Variants in MAPKBP1 observed in about 807,000 individuals in gnomAD.
MAPKBP1 encodes mitogen-activated protein kinase binding protein 1, also known as mitogen-activated protein kinase-binding protein 1.
MAPKBP1 carries 71 observed loss-of-function variants against 170.5 expected under a neutral mutation model. The observed-to-expected ratio is 0.42, with a 90% CI of 0.34 to 0.51. The LOEUF (loss-of-function observed/expected upper bound fraction) is 0.51, where lower values mean the gene tolerates loss of function less well. Among genes scored for constraint, MAPKBP1 ranks in the 20% least tolerant of loss-of-function variants. The pLI, the probability that MAPKBP1 is intolerant of heterozygous loss-of-function variation, is 0.06. For synonymous variants in MAPKBP1, 719 were observed against 757.9 expected (o/e 0.95, Z 0.84); for missense variants, 1,598 against 1,933.0 (o/e 0.83, Z 3.25).
Position 41,824,076 on chromosome 15 carries a change from C to T in MAPKBP1, c.4213+15C>T. On this transcript the variant is annotated intron_variant, in intron 29 of 30. Transcript: ENST00000457542. The stretch of plus-strand genomic sequence containing the variant: ...CCAGGACTCAGGTGTGCACAGCTCC[C>T]CAGCTCTCATCTCCTGCCCCATCCT... 2 of 1,582,484 alleles carry T rather than the reference C, an allele frequency of 1.3e-6. No homozygotes were observed. The highest frequency in any genetic ancestry group is 1.7e-6 in the Non-Finnish European group (2 of 1,167,836).
intron 2 of MAPKBP1, among the ~76,000 whole-genome samples, chr15:41,787,436 C>T (rs142719086): frequency 0.019 from 2,818 of 151,990 alleles, 79 homozygotes; most frequent in African/African-American, 0.065. Context: ...GGTGTGATCG[C>T]GGCTCATTGC....
In MAPKBP1 at chr15:41,821,259, G is replaced by A. The variant is rs148074701; in HGVS notation, c.2718+191G>A. On this transcript the variant is annotated intron_variant, in intron 23 of 30. Transcript: ENST00000457542. ...TTGGTCATCAGGATAGGCAGGGGAG[G>A]GGTTGGGGTAGAGAGGCAAAAGTGG... is the stretch of plus-strand genomic sequence containing the variant. 662 of 645,656 alleles carry A rather than the reference G, an allele frequency of 1.0e-3. 7 individuals carry two copies. The East Asian group carries it at 0.015, about 15-fold the overall frequency. The allele number at this position is 645,656 out of a possible 1,614,324, so 40.0% of individuals were successfully genotyped here. A position where few individuals can be genotyped will look rare whatever the true frequency, so the allele number is the denominator to read the frequency against.
In MAPKBP1 at chr15:41,822,259, C is replaced by T; in HGVS notation, c.3066C>T (p.Gly1022=). 2 of 1,613,954 alleles carry T rather than the reference C, an allele frequency of 1.2e-6. No individual in the cohort carries two copies. Among genetic ancestry groups the T allele is most frequent in the South Asian group, 1.1e-5 (1 of 91,070 alleles). ...GCACGGAGCCCCTCAGTGTGGATGG[C>T]ATCTCCTCAGACCTTGAAGAGCCAG... The part of the protein sequence containing the change: ...SESTEPLSVD[G]ISSDLEEPAE... The change falls in exon 26 of 31, where the codon GGC becomes GGT. Residue 1022 remains glycine, a synonymous_variant. Coordinates refer to ENST00000457542, the MANE Select transcript of MAPKBP1 (RefSeq NM_014994.3).
chr15:41,810,328 G>A (rs916056555), intron 3 of MAPKBP1, among the ~76,000 whole-genome samples: 19 of 152,228 alleles, frequency 1.2e-4, no homozygotes, highest in Admixed American at 1.2e-3. Context: ...GGCCTGGCTG[G>A]GGGGACAGGC....
chr15:41,792,955 A>AAAACC (rs2064420395), intron 2 of MAPKBP1, among the ~76,000 whole-genome samples: 1 of 152,104 alleles, frequency 6.6e-6, no homozygotes, highest in African/African-American at 2.4e-5. Context: ...TGGAGTCCCC[A>AAAACC]AAACCCCTTT....
rs752197375 is a variant in MAPKBP1, at chr15:41,812,012, C to G, written c.383C>G (p.Ala128Gly). The G allele has an allele frequency of 4.5e-5, 72 of 1,614,016 alleles. No individual in the cohort carries two copies. Among genetic ancestry groups the G allele is most frequent in the Non-Finnish European group, 5.9e-5 (70 of 1,180,028 alleles). Residue 128 changes from alanine to glycine, a missense_variant, in exon 6 of 31, where the codon GCC becomes GGC. Ala to Gly is a moderately conservative substitution (Grantham distance 60). This residue lies in a region of MAPKBP1 where 151 missense variants were observed against 191.4 expected (regional missense o/e 0.79). Transcript: ENST00000457542. ...GACGTGGCAGAGCACAGCCAGGTGG[C>G]CGAGCTGCAGGAGCACAAGTATGGT... ...VWDVAEHSQVAELQEHKYGVA... is the reference protein window; with the variant it reads ...VWDVAEHSQVGELQEHKYGVA...
intron 2 of MAPKBP1, among the ~76,000 whole-genome samples, chr15:41,783,919 G>C (rs2064234215): frequency 6.6e-6 from 1 of 152,232 alleles, no homozygotes; most frequent in African/African-American, 2.4e-5. Context: ...TGAGGCAGGA[G>C]AATGGCGTGA....
Position 41,818,531 on chromosome 15 carries a change from G to A in MAPKBP1, c.2105G>A (p.Gly702Asp), listed in dbSNP as rs1269066277. The A allele has an allele frequency of 1.2e-6, 2 of 1,612,912 alleles. No homozygotes were observed. The highest frequency in any genetic ancestry group is 1.3e-5 in the African/African-American group (1 of 74,862). The change falls in exon 19 of 31, where the codon GGC becomes GAC. Residue 702 changes from glycine (G) to aspartate (D), a missense_variant. Physicochemically the swap from Gly to Asp is moderately conservative, Grantham distance 94. Around this residue, in one of 6 missense-constraint regions of MAPKBP1, gnomAD observed 63 missense variants for 115.2 expected, o/e 0.55. Coordinates refer to ENST00000457542, the MANE Select transcript of MAPKBP1 (RefSeq NM_014994.3). The surrounding 1 kb of genome is among the most constrained non-coding windows in gnomAD (Gnocchi z 5.2). ...TTGTTCTTCACAGAGATTGTCACTG[G>A]CATGAAATTTAGTAATGATTGTAAA... is the stretch of plus-strand genomic sequence containing the variant. ...TMFGHSEIVT[G>D]MKFSNDCKHL...
Position 41,823,625 on chromosome 15 carries a change from G to C in MAPKBP1, c.3777G>C (p.Gly1259=), listed in dbSNP as rs2065040903. The part of the protein sequence containing the change: ...MAKISRSISV[G]ENLGLVAEPQ... Reference sequence around the variant, plus strand: ...AGATATCCCGCAGTATCTCTGTTGGGGAGAACCTGGGCCTGGTGGCTGAAC... The same window carrying C: ...AGATATCCCGCAGTATCTCTGTTGGCGAGAACCTGGGCCTGGTGGCTGAAC... Residue 1259 remains glycine (G), a synonymous_variant, in exon 29 of 31, where the codon GGG becomes GGC. Transcript: ENST00000457542. 2 of 1,614,012 alleles carry C rather than the reference G, an allele frequency of 1.2e-6. No homozygotes were observed. The highest frequency in any genetic ancestry group is 2.7e-5 in the African/African-American group (2 of 74,900).
chr15:41,793,033 C>T (rs2064422254), intron 2 of MAPKBP1, among the ~76,000 whole-genome samples: 1 of 151,992 alleles, frequency 6.6e-6, no homozygotes, highest in South Asian at 2.1e-4. Flanking sequence ...CGCATACTTC[C>T]ACTAGATAAT....
intron 23 of MAPKBP1, chr15:41,821,381 C>T: frequency 1.6e-6 from 1 of 614,040 alleles, no homozygotes; most frequent in South Asian, 2.0e-5. Context: ...TCCAGAAGCT[C>T]ACATCAGCAA....
At chr15:41,776,050 C>A (rs917256648) in intron 2 of MAPKBP1, among the ~76,000 whole-genome samples, 2 of 152,250 alleles carry the variant, frequency 1.3e-5, no homozygotes, top group African/African-American at 4.8e-5. Context: ...TCCTCAGAGG[C>A]AAAGTTCCTT....
chr15:41,795,768 G>A (rs1230644977), intron 2 of MAPKBP1, among the ~76,000 whole-genome samples: 3 of 152,196 alleles, frequency 2.0e-5, no homozygotes, highest in South Asian at 2.1e-4. Flanking sequence ...CGTCACGCCC[G>A]GCTAATTTTT....
intron 2 of MAPKBP1, among the ~76,000 whole-genome samples, chr15:41,796,790 G>A (rs1360970050): frequency 6.6e-6 from 1 of 152,130 alleles, no homozygotes; most frequent in Non-Finnish European, 1.5e-5. Flanking sequence ...CCGGTGATCA[G>A]AGCCTGTCTC....
chr15:41,814,144 G>A (rs1191328407), intron 9 of MAPKBP1, among the ~76,000 whole-genome samples: 1 of 152,242 alleles, frequency 6.6e-6, no homozygotes, highest in Non-Finnish European at 1.5e-5. Context: ...TGAAGGAAAG[G>A]TATGGGGCTA....
At chr15:41,791,640 C>T (rs1429590125) in intron 2 of MAPKBP1, among the ~76,000 whole-genome samples, 1 of 152,188 alleles carries the variant, frequency 6.6e-6, no homozygotes, top group Non-Finnish European at 1.5e-5. Context: ...CGCTTGGGAT[C>T]TTATGCTGTG....
Position 41,818,706 on chromosome 15 carries a change from G to A in MAPKBP1, c.2157-117G>A. On this transcript the variant is annotated intron_variant, in intron 19 of 30. Coordinates refer to ENST00000457542, the MANE Select transcript of MAPKBP1 (RefSeq NM_014994.3). The surrounding 1 kb of genome is among the most constrained non-coding windows in gnomAD (Gnocchi z 5.2). ...GTTAACAGGGATAGCTTTTGGCTGT[G>A]CTTGACCTGAAGTGGAGGGTGGCTC... 2 of 1,525,558 alleles carry A rather than the reference G, an allele frequency of 1.3e-6. No homozygotes were observed. The highest frequency in any genetic ancestry group is 1.8e-6 in the Non-Finnish European group (2 of 1,119,744). The allele number at this position is 1,525,558 out of a possible 1,614,324, so 94.5% of individuals were successfully genotyped here. A position where few individuals can be genotyped will look rare whatever the true frequency, so the allele number is the denominator to read the frequency against.
chr15:41,817,652 G>A lies in MAPKBP1; in HGVS notation c.1821G>A (p.Val607=), dbSNP rs766484804. Reference sequence around the variant, plus strand: ...TGCAGTTCACACGGACACACCACGTGGTGCGGAAGACGACCCTCTATGACA... The same window carrying A: ...TGCAGTTCACACGGACACACCACGTAGTGCGGAAGACGACCCTCTATGACA... The part of the protein sequence containing the change: ...DGVQFTRTHH[V]VRKTTLYDMD... Residue 607 remains valine (V), a synonymous_variant, in exon 16 of 31, where the codon GTG becomes GTA. Coordinates refer to ENST00000457542, the MANE Select transcript of MAPKBP1 (RefSeq NM_014994.3). The surrounding 1 kb of genome is among the most constrained non-coding windows in gnomAD (Gnocchi z 4.2). 3.7e-6 allele frequency: 6 copies of A among 1,614,112 alleles called. No individual in the cohort carries two copies. The highest frequency in any genetic ancestry group is 5.1e-6 in the Non-Finnish European group (6 of 1,180,046).
intron 2 of MAPKBP1, among the ~76,000 whole-genome samples, chr15:41,787,670 A>T (rs1334262597): frequency 6.6e-6 from 1 of 151,724 alleles, no homozygotes; most frequent in South Asian, 2.1e-4. Context: ...CCGGCCGCGA[A>T]CACATTCTTT....
Sources: allele counts gnomAD v4.1 joint callset (sites outside exome capture counted in the v4.1 genomes callset), GRCh38; gene constraint gnomAD v4.1.1; regional missense constraint gnomAD v4.1.1; non-coding constraint Gnocchi (gnomAD v3.1); transcripts MANE v1.5; gene names NCBI Gene and HGNC (gene_info 2026-07-23, HGNC 2026-07-21).